The following TUSC3 variants were observed in gnomAD, a reference collection of about 807,000 sequenced individuals.
The protein encoded by TUSC3 is tumor suppressor candidate 3.
TUSC3 carries 45 observed loss-of-function variants against 44.8 expected under a neutral mutation model. That is an observed-to-expected ratio of 1.00 (90% CI 0.79 to 1.29). The LOEUF is 1.29. Among genes scored for constraint, TUSC3 ranks in the 50% most tolerant of loss-of-function variants. TUSC3 has a pLI of 0.00. For synonymous variants in TUSC3, 212 were observed against 152.9 expected (o/e 1.39, Z -2.85); for missense variants, 519 against 437.9 (o/e 1.19, Z -1.65).
At chr8:15,480,131 A>G (rs1800638412) in intron 1 of TUSC3, among the ~76,000 whole-genome samples, 1 of 152,180 alleles carries the variant, frequency 6.6e-6, no homozygotes, top group Admixed American at 6.5e-5. Flanking sequence ...CTAGGAAAGT[A>G]AAGGACCTAT....
chr8:15,589,568 CAATT>C (rs1803738136), intron 1 of TUSC3, among the ~76,000 whole-genome samples: 3 of 152,152 alleles, frequency 2.0e-5, no homozygotes, highest in African/African-American at 7.2e-5. Flanking sequence ...TTGAGATAGA[CAATT>C]AGCTTGCTGC....
chr8:15,472,595 G>A (rs1800508779), intron 1 of TUSC3, among the ~76,000 whole-genome samples: 1 of 152,132 alleles, frequency 6.6e-6, no homozygotes, highest in African/African-American at 2.4e-5. Flanking sequence ...GGACATCAAA[G>A]TGGGTAAGTT....
the TUSC3 span, among the ~76,000 whole-genome samples, chr8:15,796,915 G>T: frequency 1.3e-5 from 2 of 152,150 alleles, no homozygotes; most frequent in African/African-American, 4.8e-5. Flanking sequence ...GCCTCAGTAG[G>T]TCATGTTTTT....
chr8:15,781,317 TTA>T, the TUSC3 span, among the ~76,000 whole-genome samples: 1 of 152,212 alleles, frequency 6.6e-6, no homozygotes, highest in Admixed American at 6.5e-5. Flanking sequence ...GGTCTGGCTC[TTA>T]CCTTACCTGT....
At chr8:15,570,109 T>A (rs1223931851) in intron 1 of TUSC3, among the ~76,000 whole-genome samples, 1 of 152,158 alleles carries the variant, frequency 6.6e-6, no homozygotes, top group Non-Finnish European at 1.5e-5. Flanking sequence ...CTCTTGGTTA[T>A]AGCTTGTCCA....
At chr8:15,565,104 C>G (rs1802615912) in intron 1 of TUSC3, among the ~76,000 whole-genome samples, 1 of 151,618 alleles carries the variant, frequency 6.6e-6, no homozygotes, top group Non-Finnish European at 1.5e-5. Flanking sequence ...CCAAGTCAGT[C>G]TCACTGGGCT....
Position 15,488,941 on chromosome 8 carries a change from T to C in TUSC3, n.189+5458T>C, listed in dbSNP as rs191822669. Among the ~76,000 whole-genome samples, 37 of 152,322 alleles carry C rather than the reference T, an allele frequency of 2.4e-4. No homozygotes were observed. In the East Asian group the frequency reaches 7.0e-3, roughly 29 times the overall value. ...CAAATGGGAATATGAATAAGTATGC[T>C]GACTTTGACCTTCCCCAGTAATCTC... On this transcript the variant is annotated intron_variant and non_coding_transcript_variant, in intron 2 of 5. Coordinates refer to the TUSC3 transcript ENST00000503191.
chr8:15,638,275 C>G (rs542592622), intron 2 of TUSC3, among the ~76,000 whole-genome samples: 13 of 152,080 alleles, frequency 8.5e-5, no homozygotes, highest in African/African-American at 2.2e-4. Flanking sequence ...TGTTAATTTC[C>G]TCACTTCCAT....
At chr8:15,782,398 G>A in the TUSC3 span, among the ~76,000 whole-genome samples, 3 of 152,014 alleles carry the variant, frequency 2.0e-5, no homozygotes, top group South Asian at 2.1e-4. Context: ...AGAATCAGTT[G>A]GGCTCAGGAA....
At chr8:15,829,138 G>A in the TUSC3 span, among the ~76,000 whole-genome samples, 22 of 151,870 alleles carry the variant, frequency 1.4e-4, no homozygotes, top group African/African-American at 5.1e-4. Flanking sequence ...TATGGTATGT[G>A]CACTACAATT....
chr8:15,763,832 G>A (rs746357920), intron 10 of TUSC3, among the ~76,000 whole-genome samples: 4 of 151,962 alleles, frequency 2.6e-5, no homozygotes, highest in Non-Finnish European at 5.9e-5. Flanking sequence ...AATATTTTTA[G>A]GACATTCAAA....
chr8:15,751,185 A>C (rs1811685699), intron 9 of TUSC3, among the ~76,000 whole-genome samples: 1 of 152,176 alleles, frequency 6.6e-6, no homozygotes, highest in South Asian at 2.1e-4. Context: ...GCCAAAAGGC[A>C]ATCAGGGTAT....
chr8:15,596,978 G>A (rs1401448467), intron 1 of TUSC3, among the ~76,000 whole-genome samples: 2 of 152,130 alleles, frequency 1.3e-5, no homozygotes, highest in South Asian at 2.1e-4. Context: ...TGGTTAGGTA[G>A]CACCAGTTGA....
chr8:15,669,609 C>CA (rs978579087), intron 5 of TUSC3, among the ~76,000 whole-genome samples: 1 of 151,190 alleles, frequency 6.6e-6, no homozygotes, highest in Non-Finnish European at 1.5e-5. Flanking sequence ...TGCTAATAAA[C>CA]AAAAAAATAT....
intron 1 of TUSC3, among the ~76,000 whole-genome samples, chr8:15,451,025 C>G (rs182222320): frequency 6.6e-5 from 10 of 152,196 alleles, no homozygotes; most frequent in Admixed American, 6.5e-4. Context: ...AGAAAGGAAA[C>G]TTCACAAACC....
chr8:15,767,814 C>G (rs1812370309), downstream of TUSC3, among the ~76,000 whole-genome samples: 1 of 152,080 alleles, frequency 6.6e-6, no homozygotes, highest in Admixed American at 6.6e-5. Flanking sequence ...AATGAAGAAG[C>G]CACTGCTGCC....
chr8:15,740,565 G>A (rs957593517), intron 7 of TUSC3, among the ~76,000 whole-genome samples: 3 of 151,058 alleles, frequency 2.0e-5, no homozygotes, highest in Admixed American at 6.6e-5. Flanking sequence ...CCAAAAAAGA[G>A]GAATGAACAT....
intron 1 of TUSC3, among the ~76,000 whole-genome samples, chr8:15,610,703 A>G (rs946674362): frequency 2.6e-5 from 4 of 152,202 alleles, no homozygotes; most frequent in African/African-American, 9.6e-5. Flanking sequence ...AAAAAGTGAC[A>G]TTTGAATAGG....
chr8:15,450,664 G>C lies in TUSC3; in HGVS notation n.92-32722G>C, dbSNP rs184381742. Among the ~76,000 whole-genome samples, 135 of 152,026 alleles carry C rather than the reference G, an allele frequency of 8.9e-4. 2 individuals are homozygous for C. The highest frequency in any genetic ancestry group is 8.4e-3 in the Admixed American group (128 of 15,250). ...CAGTCTGGGAGACAGAGTGAGACTC[G>C]GTCTCAAAAATAAATAAGTAAAAAT... On this transcript the variant is annotated intron_variant and non_coding_transcript_variant, in intron 1 of 5. Transcript: ENST00000503191.
Sources: allele counts gnomAD v4.1 joint callset (sites outside exome capture counted in the v4.1 genomes callset), GRCh38; gene constraint gnomAD v4.1.1; transcripts MANE v1.5; gene names NCBI Gene and HGNC (gene_info 2026-07-23, HGNC 2026-07-21).